The following PDZRN4 variants were observed in gnomAD, a reference collection of about 807,000 sequenced individuals.
PDZRN4 encodes the protein PDZ domain-containing RING finger protein 4.
Under a neutral mutation model 99.0 loss-of-function variants are expected in PDZRN4, and 70 were observed. The ratio of observed to expected loss-of-function variants is 0.71; its 90% CI spans 0.58 to 0.86. The LOEUF (loss-of-function observed/expected upper bound fraction) is 0.86, where lower values mean the gene tolerates loss of function less well. PDZRN4 is among the 40% of genes least tolerant of loss of function. PDZRN4 has a pLI of 0.00. For synonymous variants in PDZRN4, 551 were observed against 501.6 expected, an observed-to-expected ratio of 1.10 and a Z score of -1.32; for missense variants, 1,474 against 1,331.2, an observed-to-expected ratio of 1.11 and a Z score of -1.67.
intron 3 of PDZRN4, chr12:41,409,636 A>C (rs533248077): frequency 1.3e-5 from 2 of 152,202 alleles, no homozygotes; most frequent in African/African-American, 4.8e-5. Context: ...AGATATTTAA[A>C]TATATATTTT....
intron 3 of PDZRN4, among the ~76,000 whole-genome samples, chr12:41,392,430 A>G (rs1952216396): frequency 6.6e-6 from 1 of 152,114 alleles, no homozygotes; most frequent in African/African-American, 2.4e-5. Context: ...TCAATATTTC[A>G]TTTAAAAGTC....
intron 3 of PDZRN4, among the ~76,000 whole-genome samples, chr12:41,345,176 T>C (rs1183584634): frequency 6.6e-6 from 1 of 152,242 alleles, no homozygotes; most frequent in Non-Finnish European, 1.5e-5. Flanking sequence ...CCCAGCTGTC[T>C]TTACAGACCA....
intron 3 of PDZRN4, among the ~76,000 whole-genome samples, chr12:41,343,564 T>A (rs1951831901): frequency 6.6e-6 from 1 of 151,554 alleles, no homozygotes; most frequent in African/African-American, 2.4e-5. Context: ...AAAGCAGTGT[T>A]TACCAGAGAC....
At chr12:41,420,396 A>G (rs558197023) in intron 3 of PDZRN4, among the ~76,000 whole-genome samples, 6 of 152,286 alleles carry the variant, frequency 3.9e-5, no homozygotes, top group Admixed American at 1.3e-4. Context: ...TTATCACATT[A>G]GCTCTGTCTT....
At chr12:41,526,534 C>G (rs1269559772) in intron 5 of PDZRN4, among the ~76,000 whole-genome samples, 1 of 152,148 alleles carries the variant, frequency 6.6e-6, no homozygotes, top group Admixed American at 6.5e-5. Flanking sequence ...GAATGTGGAG[C>G]ATAAGGAAAG....
chr12:41,189,073 C>G lies in PDZRN4; in HGVS notation c.618C>G (p.Phe206Leu). 6.3e-7 allele frequency: 1 copy of G among 1,581,422 alleles called. No individual in the cohort carries two copies. Among genetic ancestry groups the G allele is most frequent in the Non-Finnish European group, 8.5e-7 (1 of 1,172,022 alleles). Residue 206 changes from phenylalanine (F) to leucine (L), a missense_variant, in exon 1 of 10, where the codon TTC becomes TTG. Coordinates refer to ENST00000402685, the MANE Select transcript of PDZRN4 (RefSeq NM_001164595.2). ...FTQYMAHVRN[F>L]VGDLGGGHRR... ...AATACATGGCTCACGTCCGCAACTT[C>G]GTCGGCGACCTCGGTGGCGGCCACC... is the stretch of plus-strand genomic sequence containing the variant.
At chr12:41,377,192 G>T (rs946822928) in intron 3 of PDZRN4, among the ~76,000 whole-genome samples, 1 of 152,078 alleles carries the variant, frequency 6.6e-6, no homozygotes, top group Non-Finnish European at 1.5e-5. Context: ...TCTTTCTCAA[G>T]ATTACTTCTA....
rs532415411 is a variant in PDZRN4, at chr12:41,423,221, A to G, written c.844-83235A>G. Among the ~76,000 whole-genome samples the G allele has an allele frequency of 1.7e-3, 264 of 152,088 alleles. 2 individuals carry two copies. The highest frequency in any genetic ancestry group is 6.1e-3 in the African/African-American group (251 of 41,472). ...GCAGGTTTGTTACATGGGTATACAC[A>G]TGCCATGGTGGTTTGCTGCACCCAT... On this transcript the variant is annotated intron_variant, in intron 3 of 9. Transcript: ENST00000402685.
At chr12:41,220,197 T>A (rs1424461565) in intron 3 of PDZRN4, among the ~76,000 whole-genome samples, 1 of 152,122 alleles carries the variant, frequency 6.6e-6, no homozygotes, top group Non-Finnish European at 1.5e-5. Context: ...TCTCACAGTT[T>A]TGGAGGCTAG....
chr12:41,260,432 T>G (rs1268058124), intron 3 of PDZRN4, among the ~76,000 whole-genome samples: 1 of 152,110 alleles, frequency 6.6e-6, no homozygotes. Context: ...TTATTTTATT[T>G]CGAAACTAAA....
At chr12:41,383,965 G>T in intron 3 of PDZRN4, among the ~76,000 whole-genome samples, 1 of 129,976 alleles carries the variant, frequency 7.7e-6, no homozygotes, top group Admixed American at 8.0e-5. Flanking sequence ...GTTTCACTAT[G>T]GAGATTTTTT....
intron 3 of PDZRN4, among the ~76,000 whole-genome samples, chr12:41,362,587 A>G (rs530333448): frequency 2.0e-5 from 3 of 152,168 alleles, no homozygotes; most frequent in Middle Eastern, 3.4e-3. Context: ...CAAGTTTAGC[A>G]TATATCTATC....
chr12:41,377,047 G>T (rs1020948597), intron 3 of PDZRN4, among the ~76,000 whole-genome samples: 3 of 151,918 alleles, frequency 2.0e-5, no homozygotes, highest in Non-Finnish European at 2.9e-5. Flanking sequence ...TATATGCCTG[G>T]GTTTATTTTT....
chr12:41,462,515 G>A (rs968209013), intron 3 of PDZRN4, among the ~76,000 whole-genome samples: 2 of 152,172 alleles, frequency 1.3e-5, no homozygotes, highest in African/African-American at 4.8e-5. Context: ...TTGCTCACCA[G>A]TTAGTCATTC....
intron 3 of PDZRN4, among the ~76,000 whole-genome samples, chr12:41,444,266 T>C (rs1952704725): frequency 6.6e-6 from 1 of 152,032 alleles, no homozygotes; most frequent in African/African-American, 2.4e-5. Context: ...CTGCAGAAAA[T>C]CCTTCACCCA....
chr12:41,444,741 A>C (rs1443999844), intron 3 of PDZRN4, among the ~76,000 whole-genome samples: 1 of 152,152 alleles, frequency 6.6e-6, no homozygotes, highest in African/African-American at 2.4e-5. Context: ...GAAATGAAAA[A>C]TGAAAGTTAT....
rs61040270 is a variant in PDZRN4, at chr12:41,545,509, A to ATGTGTGTG, written c.1204-7110_1204-7103dup. 1.8e-3 allele frequency among the ~76,000 whole-genome samples: 252 copies of ATGTGTGTG among 143,096 alleles called. 1 individual carries two copies. The highest frequency in any genetic ancestry group is 2.6e-3 in the Non-Finnish European group (168 of 65,468). The allele number at this position is 143,096 out of a possible 152,430, so 93.9% of individuals were successfully genotyped here. A position where few individuals can be genotyped will look rare whatever the true frequency, so the allele number is the denominator to read the frequency against. On this transcript the variant is annotated intron_variant, in intron 5 of 9. Transcript: ENST00000402685. ...GCCCCAGCCCATATTGATGATATTA[A>ATGTGTGTG]TGTGTGTGTGTGTGTGTGTGTGTGT...
At chr12:41,563,683 C>A in intron 8 of PDZRN4, 34 bp downstream of exon 8, 1 of 1,360,482 alleles carries the variant, frequency 7.4e-7, no homozygotes. Flanking sequence ...TGAGACTGAA[C>A]TTTATATTCA....
At chr12:41,196,295 A>G (rs1950772359) in intron 3 of PDZRN4, among the ~76,000 whole-genome samples, 1 of 152,116 alleles carries the variant, frequency 6.6e-6, no homozygotes, top group African/African-American at 2.4e-5. Context: ...TTTCATTTGC[A>G]TATATTAGCA....
Sources: gnomAD v4.1 joint callset for allele counts (sites outside exome capture counted in the v4.1 genomes callset) on GRCh38, gnomAD v4.1.1 for gene constraint, MANE v1.5 for transcripts, NCBI Gene and HGNC (gene_info 2026-07-23, HGNC 2026-07-21) for gene names.